CEP70: variants seen among roughly 807,000 people sequenced by gnomAD.
The protein encoded by CEP70 is centrosomal protein 70.
Under a neutral mutation model 90.9 loss-of-function variants are expected in CEP70, and 70 were observed. The ratio of observed to expected loss-of-function variants is 0.77; its 90% CI spans 0.64 to 0.94. The LOEUF (loss-of-function observed/expected upper bound fraction) is 0.94. Among genes scored for constraint, CEP70 ranks in the 40% least tolerant of loss-of-function variants. CEP70 has a pLI of 0.00. For synonymous variants in CEP70, 220 were observed against 228.3 expected (o/e 0.96, Z 0.33); for missense variants, 648 against 669.0 (o/e 0.97, Z 0.35).
intron 6 of CEP70, among the ~76,000 whole-genome samples, chr3:138,554,954 T>C (rs1424504544): frequency 1.3e-5 from 2 of 152,124 alleles, no homozygotes; most frequent in Non-Finnish European, 2.9e-5. Context: ...TCTCTGACCT[T>C]ATGCAAAAAT....
chr3:138,509,690 T>C (rs893179727), intron 11 of CEP70, among the ~76,000 whole-genome samples: 1 of 152,118 alleles, frequency 6.6e-6, no homozygotes, highest in Admixed American at 6.5e-5. Flanking sequence ...AGTTTTTTTA[T>C]TTTATTTTTT....
At chr3:138,525,090 A>T (rs919080557) in intron 11 of CEP70, among the ~76,000 whole-genome samples, 4 of 152,202 alleles carry the variant, frequency 2.6e-5, no homozygotes, top group Admixed American at 6.5e-5. Context: ...AGCCATAAAA[A>T]ATGATGAGTT....
Position 138,517,585 on chromosome 3 carries a change from C to T in CEP70, c.944+7905G>A, listed in dbSNP as rs1324747719. On this transcript the variant is annotated intron_variant, in intron 11 of 17. Transcript: ENST00000264982. ...TTGGGAGGCTGAGGCAGGAGAATGG[C>T]GTGAGCCCAGGAGGCAGAGCTTGCA... Among the ~76,000 whole-genome samples, 5 of 152,172 alleles carry T rather than the reference C, an allele frequency of 3.3e-5. No individual in the cohort carries two copies. In the South Asian group the frequency reaches 6.2e-4, roughly 19 times the overall value.
At chr3:138,522,701 A>G (rs2036794220) in intron 11 of CEP70, among the ~76,000 whole-genome samples, 1 of 152,198 alleles carries the variant, frequency 6.6e-6, no homozygotes, top group Admixed American at 6.5e-5. Flanking sequence ...GAATAGACCA[A>G]TAATAGGCTC....
chr3:138,537,210 GCA>G lies in CEP70; in HGVS notation c.601_602del (p.Cys201GlnfsTer10). ...VTQNRVFAYL[C>X]KRVPHTVLDR... is the part of the protein sequence containing the mutation. ...CCAAGACGGTATGAGGAACTCTTTT[GCA>G]CAGATAGGCAAACACTCTGTTTTGA... On this transcript the variant is annotated frameshift_variant, in exon 7 of 18. Transcript: ENST00000264982. LOFTEE classifies it high-confidence loss of function. 1 of 1,595,610 alleles carries G rather than the reference GCA, an allele frequency of 6.3e-7. No individual in the cohort carries two copies. The highest frequency in any genetic ancestry group is 1.2e-5 in the South Asian group (1 of 86,764).
intron 11 of CEP70, among the ~76,000 whole-genome samples, chr3:138,513,970 A>T (rs567266367): frequency 3.9e-5 from 6 of 151,934 alleles, no homozygotes; most frequent in Non-Finnish European, 8.8e-5. Flanking sequence ...AAAAACAAAC[A>T]AACTCAATTT....
At chr3:138,522,918 C>CA (rs1415299436) in intron 11 of CEP70, among the ~76,000 whole-genome samples, 1 of 151,896 alleles carries the variant, frequency 6.6e-6, no homozygotes, top group South Asian at 2.1e-4. Context: ...AGAGACACAA[C>CA]AAAAAAAGAG....
intron 1 of CEP70, 116 bp from the exon 2 acceptor site, chr3:138,592,072 C>CTTTTTT: frequency 1.9e-6 from 1 of 517,816 alleles, no homozygotes; most frequent in Non-Finnish European, 3.4e-6. Context: ...ACAGATAAAG[C>CTTTTTT]AGGCACAACT....
rs60682088 is a variant in CEP70, at chr3:138,569,000, A to C, written c.465+1318T>G. Among the ~76,000 whole-genome samples, 1,155 of 151,932 alleles carry C rather than the reference A, an allele frequency of 7.6e-3. 17 individuals are homozygous for C. The highest frequency in any genetic ancestry group is 0.026 in the African/African-American group (1,079 of 41,400). ...CTCTGTCTAAAAAAACAAACAAAAA[A>C]AAAACACAAAAAAAAACAAAGCCAA... is the stretch of plus-strand genomic sequence containing the variant. On this transcript the variant is annotated intron_variant, in intron 6 of 17. Coordinates refer to ENST00000264982, the MANE Select transcript of CEP70 (RefSeq NM_024491.4).
intron 10 of CEP70, 76 bp from the exon 11 acceptor site, chr3:138,525,640 T>C: frequency 1.6e-6 from 1 of 632,236 alleles, no homozygotes; most frequent in Non-Finnish European, 2.5e-6. Flanking sequence ...ATTAACGACA[T>C]ACAAAACTTT....
intron 6 of CEP70, among the ~76,000 whole-genome samples, chr3:138,548,374 G>T (rs187806983): frequency 1.6e-4 from 24 of 152,256 alleles, no homozygotes; most frequent in Admixed American, 1.4e-3. Flanking sequence ...TAAGATCATG[G>T]TATGTGCACA....
chr3:138,564,047 C>A (rs141727591), intron 6 of CEP70, among the ~76,000 whole-genome samples: 94 of 152,252 alleles, frequency 6.2e-4, no homozygotes, highest in African/African-American at 2.0e-3. Flanking sequence ...ATACAAACTG[C>A]CATCAGAGAA....
intron 11 of CEP70, among the ~76,000 whole-genome samples, chr3:138,517,922 C>G (rs770839607): frequency 6.6e-6 from 1 of 152,196 alleles, no homozygotes; most frequent in Non-Finnish European, 1.5e-5. Context: ...TCAGGGAATT[C>G]CCTTTCCTAG....
intron 11 of CEP70, 131 bp downstream of exon 11, chr3:138,525,359 A>G (rs2037115699): frequency 3.7e-6 from 1 of 268,284 alleles, no homozygotes; most frequent in African/African-American, 2.3e-5. Context: ...GCACATGTAT[A>G]CATATGTAAC....
In CEP70 at chr3:138,505,181, C is replaced by T. The variant is rs116462084; in HGVS notation, c.1221+114G>A. 1,516 of 812,886 alleles carry T rather than the reference C, an allele frequency of 1.9e-3. 17 individuals carry two copies. The African/African-American group carries it at 0.025, about 13-fold the overall frequency. 50.4% of individuals were successfully genotyped at this position (812,886 alleles called of 1,614,324 possible). ...AGCTTTTTTAGCTTTAGAGTTAACA[C>T]ACAAACAAAAAAATTAAACCCTATT... On this transcript the variant is annotated intron_variant, in intron 13 of 17. Transcript: ENST00000264982.
At chr3:138,559,558 C>T (rs561173793) in intron 6 of CEP70, among the ~76,000 whole-genome samples, 1 of 152,270 alleles carries the variant, frequency 6.6e-6, no homozygotes, top group East Asian at 1.9e-4. Context: ...CCTGGTGAAA[C>T]CCCATCTCTA....
At chr3:138,510,712 C>T (rs1265744824) in intron 11 of CEP70, among the ~76,000 whole-genome samples, 2 of 152,114 alleles carry the variant, frequency 1.3e-5, no homozygotes, top group Non-Finnish European at 2.9e-5. Context: ...TACGAGACTA[C>T]AGTAGTCCCC....
At chr3:138,503,787 TTC>T (rs2034730883) in intron 13 of CEP70, among the ~76,000 whole-genome samples, 1 of 152,222 alleles carries the variant, frequency 6.6e-6, no homozygotes, top group Non-Finnish European at 1.5e-5. Flanking sequence ...AATCAGAGTG[TTC>T]TCTTTCTCCT....
chr3:138,572,068 G>A (rs868368898), intron 3 of CEP70, among the ~76,000 whole-genome samples: 20 of 95,662 alleles, frequency 2.1e-4, no homozygotes, highest in East Asian at 3.7e-3. Context: ...GTGAGCCACC[G>A]CCCCAGCCCC....
Sources: gnomAD v4.1 joint callset for allele counts (sites outside exome capture counted in the v4.1 genomes callset) on GRCh38, gnomAD v4.1.1 for gene constraint, MANE v1.5 for transcripts, NCBI Gene and HGNC (gene_info 2026-07-23, HGNC 2026-07-21) for gene names.